NLGN1: variants seen among roughly 807,000 people sequenced by gnomAD.
NLGN1 encodes neuroligin-1.
NLGN1 carries 12 observed loss-of-function variants against 65.5 expected under a neutral mutation model. The observed-to-expected ratio is 0.18, with a 90% confidence interval of 0.12 to 0.30. The LOEUF (loss-of-function observed/expected upper bound fraction) is 0.30, where lower values mean the gene tolerates loss of function less well. NLGN1 is among the 10% of genes least tolerant of loss of function. NLGN1 has a pLI of 1.00. For synonymous variants in NLGN1, 350 were observed against 359.5 expected (o/e 0.97, Z 0.30); for missense variants, 750 against 1,007.1 (o/e 0.74, Z 3.46).
intron 4 of NLGN1, among the ~76,000 whole-genome samples, chr3:174,047,572 T>G (rs543843296): frequency 6.6e-6 from 1 of 152,108 alleles, no homozygotes; most frequent in African/African-American, 2.4e-5. Flanking sequence ...ATAGGAGAGA[T>G]AAGATAAATG....
chr3:173,488,667 G>T (rs952998461), intron 2 of NLGN1, among the ~76,000 whole-genome samples: 1 of 152,026 alleles, frequency 6.6e-6, no homozygotes, highest in African/African-American at 2.4e-5. Context: ...GTATTCAAAA[G>T]TAATCTTTTT....
chr3:174,024,141 T>TAAA (rs34508881), intron 4 of NLGN1, among the ~76,000 whole-genome samples: 993 of 85,990 alleles, frequency 0.012, 15 homozygotes, highest in Non-Finnish European at 0.016. Flanking sequence ...AGAGTCCTAT[T>TAAA]AAAAAAAAAA....
At chr3:173,508,369 T>C (rs534039426) in intron 2 of NLGN1, among the ~76,000 whole-genome samples, 7 of 152,184 alleles carry the variant, frequency 4.6e-5, no homozygotes, top group Non-Finnish European at 8.8e-5. Context: ...TCTTAGGTGA[T>C]TTTATGTCAT....
chr3:174,265,660 G>A (rs540039556), intron 4 of NLGN1, among the ~76,000 whole-genome samples: 1 of 151,818 alleles, frequency 6.6e-6, no homozygotes, highest in Admixed American at 6.6e-5. Flanking sequence ...CATGCTGGGA[G>A]CTGTAGACCG....
chr3:174,015,644 A>G (rs998083780), intron 4 of NLGN1, among the ~76,000 whole-genome samples: 2 of 152,200 alleles, frequency 1.3e-5, no homozygotes, highest in African/African-American at 4.8e-5. Context: ...AGCATACTAT[A>G]GATTTTAAAG....
rs59051811 is a variant in NLGN1, at chr3:173,419,020, C to CTTTTTTTTTTTTTT, written c.-389-15969_-389-15956dup. ...TCTGTTCTTTAGCTTTCTTCTTCTT[C>CTTTTTTTTTTTTTT]TTTTTTTTTTTTTTTTTTTTTTTTT... On this transcript the variant is annotated intron_variant, in intron 1 of 6. Coordinates refer to ENST00000457714, the Ensembl canonical transcript of NLGN1. Among the ~76,000 whole-genome samples the CTTTTTTTTTTTTTT allele has an allele frequency of 1.1e-3, 14 of 12,262 alleles. 1 individual carries two copies. The highest frequency in any genetic ancestry group is 1.4e-3 in the Non-Finnish European group (10 of 7,222). The allele number at this position is 12,262 out of a possible 152,430, so 8.0% of individuals were successfully genotyped here.
Position 174,109,260 on chromosome 3 carries a change from T to A in NLGN1, c.647-166055T>A, listed in dbSNP as rs74861953. 2.3e-3 allele frequency among the ~76,000 whole-genome samples: 344 copies of A among 152,160 alleles called. 2 individuals are homozygous for A. Among genetic ancestry groups the A allele is most frequent in the South Asian group, 3.7e-3 (18 of 4,830 alleles). On this transcript the variant is annotated intron_variant, in intron 4 of 6. Transcript: ENST00000457714. The stretch of plus-strand genomic sequence containing the variant: ...GTAGTGATTTCTCCTTTTGAGATAA[T>A]TTTTTAAATAATAAGTTCCTTTTCC...
chr3:173,713,746 A>G (rs980420933), intron 3 of NLGN1, among the ~76,000 whole-genome samples: 1 of 152,148 alleles, frequency 6.6e-6, no homozygotes, highest in African/African-American at 2.4e-5. Context: ...TGTTTAGAAT[A>G]CAGCCTTATA....
chr3:174,017,529 C>T (rs1413797589), intron 4 of NLGN1, among the ~76,000 whole-genome samples: 1 of 152,002 alleles, frequency 6.6e-6, no homozygotes, highest in African/African-American at 2.4e-5. Context: ...GGAACCTGCC[C>T]CCGATAATTC....
intron 4 of NLGN1, among the ~76,000 whole-genome samples, chr3:174,272,598 C>T (rs1273371791): frequency 6.6e-6 from 1 of 151,188 alleles, no homozygotes; most frequent in East Asian, 1.9e-4. Context: ...TAAAACCCAG[C>T]GTCGTCCTCT....
chr3:173,428,591 A>G (rs199851369), intron 1 of NLGN1, among the ~76,000 whole-genome samples: 1 of 151,910 alleles, frequency 6.6e-6, no homozygotes. Context: ...CTCAATTTTT[A>G]TCTTTATATA....
intron 4 of NLGN1, among the ~76,000 whole-genome samples, chr3:173,974,603 A>G (rs1465426767): frequency 6.6e-6 from 1 of 152,074 alleles, no homozygotes; most frequent in Admixed American, 6.6e-5. Flanking sequence ...GAAACATATG[A>G]ATAAAATATT....
intron 4 of NLGN1, among the ~76,000 whole-genome samples, chr3:174,266,906 C>T (rs1748359658): frequency 6.6e-6 from 1 of 151,718 alleles, no homozygotes; most frequent in African/African-American, 2.4e-5. Flanking sequence ...GTGGTTTATT[C>T]TACTTAATGA....
chr3:173,463,574 G>C (rs1263123150), intron 2 of NLGN1, among the ~76,000 whole-genome samples: 1 of 152,124 alleles, frequency 6.6e-6, no homozygotes, highest in Admixed American at 6.5e-5. Flanking sequence ...TGTCATTGTT[G>C]AATTGGCTCA....
chr3:173,872,454 C>T (rs994336260), intron 4 of NLGN1, among the ~76,000 whole-genome samples: 1 of 152,096 alleles, frequency 6.6e-6, no homozygotes, highest in African/African-American at 2.4e-5. Context: ...AAAACATGAC[C>T]ACTGGATTTT....
chr3:174,118,381 A>G (rs752476397), intron 4 of NLGN1, among the ~76,000 whole-genome samples: 2 of 152,178 alleles, frequency 1.3e-5, no homozygotes, highest in African/African-American at 2.4e-5. Context: ...CATTTTTGGA[A>G]CACTTAATTT....
At chr3:173,765,856 A>G (rs1778707390) in intron 3 of NLGN1, among the ~76,000 whole-genome samples, 1 of 152,138 alleles carries the variant, frequency 6.6e-6, no homozygotes, top group Non-Finnish European at 1.5e-5. Flanking sequence ...ATCTGCTTCA[A>G]GATGATATTT....
chr3:173,619,980 G>A (rs537753803), intron 3 of NLGN1, among the ~76,000 whole-genome samples: 3 of 152,260 alleles, frequency 2.0e-5, no homozygotes, highest in African/African-American at 7.2e-5. Context: ...AGAACAGCTT[G>A]TGATCAGAGA....
intron 2 of NLGN1, among the ~76,000 whole-genome samples, chr3:173,499,628 C>G (rs1034378680): frequency 6.6e-6 from 1 of 151,806 alleles, no homozygotes; most frequent in Admixed American, 6.5e-5. Flanking sequence ...GGCATTGAAT[C>G]TATAAATTAC....
Sources: gnomAD v4.1 joint callset for allele counts (sites outside exome capture counted in the v4.1 genomes callset) on GRCh38, gnomAD v4.1.1 for gene constraint, MANE v1.5 for transcripts, NCBI Gene and HGNC (gene_info 2026-07-23, HGNC 2026-07-21) for gene names.